MYLK: variants seen among roughly 807,000 people sequenced by gnomAD.
MYLK encodes the protein myosin light chain kinase.
MYLK carries 106 observed loss-of-function variants against 203.4 expected under a neutral mutation model. The observed-to-expected ratio is 0.52, with a 90% CI of 0.45 to 0.61. MYLK has a LOEUF of 0.61. Among genes scored for constraint, MYLK ranks in the 20% least tolerant of loss-of-function variants. MYLK has a pLI of 0.00. For missense variants in MYLK, 2,072 were observed against 2,442.3 expected (o/e 0.85, Z 3.20); for synonymous variants, 867 against 959.5 (o/e 0.90, Z 1.78).
chr3:123,739,698 T>C (rs1451040965), intron 6 of MYLK, among the ~76,000 whole-genome samples: 1 of 152,222 alleles, frequency 6.6e-6, no homozygotes, highest in African/African-American at 2.4e-5. Context: ...ATTGCCTTGA[T>C]TGTTAGAGTC....
intron 3 of MYLK, among the ~76,000 whole-genome samples, chr3:123,794,419 G>C (rs1262415729): frequency 6.6e-6 from 1 of 152,128 alleles, no homozygotes; most frequent in African/African-American, 2.4e-5. Flanking sequence ...AGGTAGGCAT[G>C]GGGGGACATC....
chr3:123,655,503 A>C (rs940657070), intron 24 of MYLK, among the ~76,000 whole-genome samples: 2 of 152,216 alleles, frequency 1.3e-5, no homozygotes, highest in Non-Finnish European at 2.9e-5. Flanking sequence ...TAGACCCAAC[A>C]GTCTTAGGAT....
At chr3:123,734,879 G>A (rs9283570) in intron 9 of MYLK, 180,882 of 192,084 alleles carry the variant, frequency 0.94, 86,028 homozygotes, top group East Asian at 1. Flanking sequence ...CCAAGTTCCC[G>A]AAATGGCTTC....
At chr3:123,685,146 T>C (rs1425876812) in intron 19 of MYLK, among the ~76,000 whole-genome samples, 1 of 152,216 alleles carries the variant, frequency 6.6e-6, no homozygotes, top group Admixed American at 6.5e-5. Context: ...TTTGGCTTTG[T>C]CATCAGCAAC....
intron 3 of MYLK, among the ~76,000 whole-genome samples, chr3:123,800,975 T>C (rs987870485): frequency 6.6e-6 from 1 of 152,220 alleles, no homozygotes; most frequent in Admixed American, 6.5e-5. Flanking sequence ...TTAATTCATT[T>C]TAAAACATCA....
rs756611808 is a variant in MYLK at position 123,733,682 on chromosome 3, C to T, written c.1309+5G>A. Reference sequence around the variant, plus strand: ...CAATCGGTGACCCTAATTACCTCTACTCACCTTCACATCTGAACTTGACAG... The same window carrying T: ...CAATCGGTGACCCTAATTACCTCTATTCACCTTCACATCTGAACTTGACAG... On this transcript the variant is annotated splice_donor_5th_base_variant and intron_variant, in intron 10 of 33. Transcript: ENST00000360304. The T allele has an allele frequency of 6.8e-6, 11 of 1,613,814 alleles. No homozygotes were observed. Among genetic ancestry groups the T allele is most frequent in the African/African-American group, 1.3e-5 (1 of 74,948 alleles).
intron 16 of MYLK, 56 bp from the exon 17 acceptor site, chr3:123,701,565 T>C: frequency 1.3e-6 from 2 of 1,569,890 alleles, no homozygotes; most frequent in Non-Finnish European, 1.8e-6. Context: ...AAAGGGCCTG[T>C]TCAGTGTGGA....
At chr3:123,727,254 C>A (rs922149809) in intron 11 of MYLK, among the ~76,000 whole-genome samples, 2 of 152,158 alleles carry the variant, frequency 1.3e-5, no homozygotes, top group Non-Finnish European at 2.9e-5. Context: ...CCTGGACAGG[C>A]CTGGCACTGA....
At chr3:123,647,117 C>G (rs1379845837) in intron 27 of MYLK, 107 bp downstream of exon 27, 1 of 999,372 alleles carries the variant, frequency 1.0e-6, no homozygotes, top group Non-Finnish European at 1.6e-6. Context: ...ACACTCCTGT[C>G]TGCAGTGCTT....
chr3:123,682,942 C>T (rs556231183), intron 19 of MYLK, among the ~76,000 whole-genome samples: 1 of 152,280 alleles, frequency 6.6e-6, no homozygotes, highest in East Asian at 1.9e-4. Flanking sequence ...GCCTGCTGGG[C>T]GGACCTAAAG....
At chr3:123,819,279 T>C (rs1451384529) in intron 3 of MYLK, among the ~76,000 whole-genome samples, 2 of 152,188 alleles carry the variant, frequency 1.3e-5, no homozygotes, top group African/African-American at 2.4e-5. Context: ...TGGAGCAAAG[T>C]GCAGGCACAC....
At chr3:123,706,102 C>A (rs2061451969) in intron 16 of MYLK, among the ~76,000 whole-genome samples, 1 of 152,168 alleles carries the variant, frequency 6.6e-6, no homozygotes, top group Non-Finnish European at 1.5e-5. Context: ...ACAAGCATCC[C>A]ATCACTTGAC....
At chr3:123,733,268 C>A (rs865901010) in intron 10 of MYLK, among the ~76,000 whole-genome samples, 166 bp from the exon 11 acceptor site, 1 of 152,136 alleles carries the variant, frequency 6.6e-6, no homozygotes. Flanking sequence ...CTCCACAAGA[C>A]GAAACCTCTT....
In MYLK at chr3:123,647,478, G is replaced by A. The variant is rs550660128; in HGVS notation, c.4416-51C>T. 263 of 1,575,244 alleles carry A rather than the reference G, an allele frequency of 1.7e-4. 2 individuals carry two copies. The highest frequency in any genetic ancestry group is 1.2e-3 in the Middle Eastern group (7 of 5,982). ...AAAGCCACATTTAGCCAAGCTTTCC[G>A]CTAACTTGGGGTTGGCAAATTATGG... On this transcript the variant is annotated intron_variant, in intron 26 of 33. Transcript: ENST00000360304.
intron 29 of MYLK, among the ~76,000 whole-genome samples, chr3:123,634,159 G>C (rs761126510): frequency 4.6e-5 from 7 of 152,226 alleles, no homozygotes; most frequent in Non-Finnish European, 7.3e-5. Flanking sequence ...TCCACAGGAA[G>C]AGCTGTGCAT....
intron 11 of MYLK, among the ~76,000 whole-genome samples, chr3:123,730,548 C>T (rs1031212232): frequency 6.6e-6 from 1 of 152,204 alleles, no homozygotes; most frequent in Admixed American, 6.5e-5. Flanking sequence ...ATGCTATACC[C>T]ATACAATGCA....
chr3:123,825,037 T>G (rs996736333), intron 3 of MYLK, among the ~76,000 whole-genome samples: 3 of 150,994 alleles, frequency 2.0e-5, no homozygotes, highest in Non-Finnish European at 4.4e-5. Flanking sequence ...CCCAGCTACT[T>G]AGGAGGCTGA....
At chr3:123,837,728 C>A (rs2066507984) in intron 2 of MYLK, among the ~76,000 whole-genome samples, 1 of 151,712 alleles carries the variant, frequency 6.6e-6, no homozygotes, top group Non-Finnish European at 1.5e-5. Flanking sequence ...TAAGGTTTCC[C>A]AACCCTAGGC....
intron 29 of MYLK, among the ~76,000 whole-genome samples, chr3:123,636,168 A>G (rs1352936771): frequency 6.6e-6 from 1 of 152,220 alleles, no homozygotes; most frequent in Non-Finnish European, 1.5e-5. Context: ...ACTGACCAGT[A>G]GAGAGACCAA....
Sources: gnomAD v4.1 joint callset for allele counts (sites outside exome capture counted in the v4.1 genomes callset) on GRCh38, gnomAD v4.1.1 for gene constraint, MANE v1.5 for transcripts, NCBI Gene and HGNC (gene_info 2026-07-23, HGNC 2026-07-21) for gene names.